The following GPBP1 variants were observed in gnomAD, a reference collection of about 807,000 sequenced individuals.
The protein encoded by GPBP1 is GC-rich promoter binding protein 1.
A neutral mutation model predicts 56.5 loss-of-function variants in GPBP1; 13 were observed. The observed-to-expected ratio is 0.23, with a 90% CI of 0.15 to 0.37. GPBP1 has a LOEUF of 0.37. Among genes scored for constraint, GPBP1 ranks in the 10% least tolerant of loss-of-function variants. The pLI, the probability that GPBP1 is intolerant of heterozygous loss-of-function variation, is 1.00. For missense variants in GPBP1, 477 were observed against 572.3 expected (o/e 0.83, Z 1.70); for synonymous variants, 204 against 188.9 (o/e 1.08, Z -0.66).
intron 8 of GPBP1, among the ~76,000 whole-genome samples, chr5:57,247,625 C>T (rs911316644): frequency 6.6e-6 from 1 of 152,066 alleles, no homozygotes; most frequent in Admixed American, 6.6e-5. Context: ...GTCAAGGCTG[C>T]AGCAAGCTGT....
intron 11 of GPBP1, among the ~76,000 whole-genome samples, chr5:57,261,484 C>T (rs1275032988): frequency 6.6e-6 from 1 of 152,038 alleles, no homozygotes; most frequent in Non-Finnish European, 1.5e-5. Context: ...AGGTGATCCT[C>T]CAACCTTAGC....
chr5:57,219,732 A>G (rs959118087), intron 3 of GPBP1, among the ~76,000 whole-genome samples: 4 of 152,134 alleles, frequency 2.6e-5, no homozygotes, highest in African/African-American at 7.2e-5. Context: ...AAGTGATTTC[A>G]TAGCTAACAT....
Position 57,175,927 on chromosome 5 carries a change from T to C in GPBP1, c.-531T>C. Reference sequence around the variant, plus strand: ...GGACACTTTTTCTGAATGAAGAGATTGAAAGAATACAGAGTTTTTTTCCTT... The same window carrying C: ...GGACACTTTTTCTGAATGAAGAGATCGAAAGAATACAGAGTTTTTTTCCTT... On this transcript the variant is annotated 5_prime_UTR_variant, in exon 2 of 12. Transcript: ENST00000506184. 1 of 398,590 alleles carries C rather than the reference T, an allele frequency of 2.5e-6. No homozygotes were observed. Among genetic ancestry groups the C allele is most frequent in the Non-Finnish European group, 4.4e-6 (1 of 226,024 alleles). 24.7% of individuals were successfully genotyped at this position (398,590 alleles called of 1,614,324 possible). A position where few individuals can be genotyped will look rare whatever the true frequency, so the allele number is the denominator to read the frequency against.
intron 5 of GPBP1, among the ~76,000 whole-genome samples, chr5:57,233,410 C>T (rs762377146): frequency 1.2e-4 from 18 of 151,926 alleles, no homozygotes; most frequent in African/African-American, 3.6e-4. Context: ...TATAGTTGAC[C>T]CTTGAATAAC....
At chr5:57,229,511 CT>C (rs1188026204) in intron 3 of GPBP1, among the ~76,000 whole-genome samples, 1 of 148,302 alleles carries the variant, frequency 6.7e-6, no homozygotes, top group Non-Finnish European at 1.5e-5. Context: ...TTTCCTTTTT[CT>C]TTCTCTTTCC....
chr5:57,202,804 A>G (rs1755077092), intron 2 of GPBP1, among the ~76,000 whole-genome samples: 1 of 152,222 alleles, frequency 6.6e-6, no homozygotes, highest in Non-Finnish European at 1.5e-5. Flanking sequence ...TGCTTAGGCC[A>G]TATTGCTCAT....
intron 3 of GPBP1, among the ~76,000 whole-genome samples, chr5:57,230,055 C>T (rs1465338077): frequency 2.6e-5 from 4 of 151,740 alleles, no homozygotes; most frequent in Non-Finnish European, 5.9e-5. Flanking sequence ...CTCAGCCTCC[C>T]GAGTAGCTGG....
At chr5:57,203,716 C>T (rs1478937067) in intron 2 of GPBP1, among the ~76,000 whole-genome samples, 2 of 152,120 alleles carry the variant, frequency 1.3e-5, no homozygotes, top group Non-Finnish European at 2.9e-5. Flanking sequence ...TGGAGTCTAA[C>T]AAATTTCAGA....
intron 3 of GPBP1, among the ~76,000 whole-genome samples, chr5:57,222,263 A>C (rs558907363): frequency 6.6e-6 from 1 of 152,186 alleles, no homozygotes; most frequent in East Asian, 1.9e-4. Context: ...AAATCTTAAG[A>C]TGGTAGACAC....
chr5:57,246,819 C>T (rs76341006), intron 7 of GPBP1, among the ~76,000 whole-genome samples: 28,036 of 151,570 alleles, frequency 0.18, 3,395 homozygotes, highest in Non-Finnish European at 0.27. Context: ...TTTTCTTATT[C>T]TCAAGTGAAA....
chr5:57,220,308 A>G (rs1755899480), intron 3 of GPBP1, among the ~76,000 whole-genome samples: 1 of 152,000 alleles, frequency 6.6e-6, no homozygotes, highest in South Asian at 2.1e-4. Context: ...ACGTGCGTTG[A>G]AATTCTCAAT....
At chr5:57,248,553 A>G (rs891004364) in intron 8 of GPBP1, among the ~76,000 whole-genome samples, 1 of 149,270 alleles carries the variant, frequency 6.7e-6, no homozygotes, top group Non-Finnish European at 1.5e-5. Flanking sequence ...TCAGCCTCCC[A>G]AGTAGCTGGG....
At chr5:57,214,773 A>ATTC (rs1427681331) in intron 3 of GPBP1, among the ~76,000 whole-genome samples, 1 of 151,948 alleles carries the variant, frequency 6.6e-6, no homozygotes, top group Non-Finnish European at 1.5e-5. Context: ...CTTCTGCCTC[A>ATTC]TTCTCCTGAG....
chr5:57,180,671 C>A (rs1306100283), intron 2 of GPBP1, among the ~76,000 whole-genome samples: 1 of 152,072 alleles, frequency 6.6e-6, no homozygotes, highest in Non-Finnish European at 1.5e-5. Flanking sequence ...TTAGTTTCTT[C>A]ATTATACTGA....
chr5:57,202,151 G>T (rs539683424), intron 2 of GPBP1, among the ~76,000 whole-genome samples: 2 of 152,090 alleles, frequency 1.3e-5, no homozygotes, highest in Admixed American at 1.3e-4. Flanking sequence ...ATGCCACTAC[G>T]CTCGGCTAGT....
intron 3 of GPBP1, among the ~76,000 whole-genome samples, chr5:57,226,835 G>C (rs545395556): frequency 6.9e-6 from 1 of 144,846 alleles, no homozygotes; most frequent in African/African-American, 2.6e-5. Flanking sequence ...CGCCTCCTGA[G>C]TTCATGCCAT....
Position 57,236,366 on chromosome 5 carries a change from T to C in GPBP1, c.478+334T>C, listed in dbSNP as rs1756662118. The stretch of plus-strand genomic sequence containing the variant: ...GAAACAAACTGAGTTTAAATTAATT[T>C]TTAGTTGTTCAAAGTTGAAAACTTT... On this transcript the variant is annotated intron_variant, in intron 6 of 11. Coordinates refer to ENST00000506184, the MANE Select transcript of GPBP1 (RefSeq NM_022913.4). Among the ~76,000 whole-genome samples the C allele has an allele frequency of 2.0e-5, 3 of 152,328 alleles. No individual in the cohort carries two copies. The South Asian group carries it at 6.2e-4, about 32-fold the overall frequency.
At chr5:57,260,571 T>G (rs1422853649) in intron 10 of GPBP1, among the ~76,000 whole-genome samples, 1 of 152,154 alleles carries the variant, frequency 6.6e-6, no homozygotes, top group Non-Finnish European at 1.5e-5. Flanking sequence ...TTAGCACAAG[T>G]TTATTTTGGT....
chr5:57,243,624 CAG>C (rs1160436827), intron 6 of GPBP1, among the ~76,000 whole-genome samples: 2 of 151,416 alleles, frequency 1.3e-5, no homozygotes, highest in Non-Finnish European at 2.9e-5. Flanking sequence ...AATTTGTACT[CAG>C]AAACTATATT....
Sources: allele counts gnomAD v4.1 joint callset (sites outside exome capture counted in the v4.1 genomes callset), GRCh38; gene constraint gnomAD v4.1.1; transcripts MANE v1.5; gene names NCBI Gene and HGNC (gene_info 2026-07-23, HGNC 2026-07-21).